Variants in GTSF1 observed in about 807,000 individuals in gnomAD.
The protein encoded by GTSF1 is gametocyte-specific factor 1.
Under a neutral mutation model 28.9 loss-of-function variants are expected in GTSF1, and 11 were observed. The ratio of observed to expected loss-of-function variants is 0.38; its 90% CI spans 0.24 to 0.63. The LOEUF is 0.63. GTSF1 is among the 30% of genes least tolerant of loss of function. The pLI is 0.56. For missense variants in GTSF1, 146 were observed against 201.0 expected, an observed-to-expected ratio of 0.73 and a Z score of 1.66; for synonymous variants, 69 against 65.6, an observed-to-expected ratio of 1.05 and a Z score of -0.25.
chr12:54,467,758 C>T (rs1178586315), intron 2 of GTSF1, among the ~76,000 whole-genome samples: 3 of 151,646 alleles, frequency 2.0e-5, no homozygotes, highest in Non-Finnish European at 4.4e-5. Context: ...TATTAATGGA[C>T]ATTTACATTG....
At chr12:54,459,065 G>C (rs373523607) in intron 8 of GTSF1, 24 bp downstream of exon 8, 1 of 1,549,978 alleles carries the variant, frequency 6.5e-7, no homozygotes, top group African/African-American at 1.4e-5. Context: ...TGAAGAGACA[G>C]TGAAATAAAA....
At chr12:54,465,212 T>C in intron 2 of GTSF1, 45 bp from the exon 3 acceptor site, 1 of 1,285,822 alleles carries the variant, frequency 7.8e-7, no homozygotes, top group East Asian at 2.3e-5. Context: ...TAATAGGCCC[T>C]TGTAAAACTA....
intron 2 of GTSF1, among the ~76,000 whole-genome samples, chr12:54,465,718 T>A (rs1380791166): frequency 6.6e-6 from 1 of 152,094 alleles, no homozygotes; most frequent in African/African-American, 2.4e-5. Flanking sequence ...AGCATCTTCA[T>A]CTATTACTAG....
intron 2 of GTSF1, chr12:54,466,998 G>A (rs981657434): frequency 5.9e-5 from 9 of 151,816 alleles, no homozygotes; most frequent in African/African-American, 2.2e-4. Context: ...AATTTACCAT[G>A]TTAATGAATT....
chr12:54,462,226 G>T, intron 5 of GTSF1, 54 bp from the exon 6 acceptor site: 2 of 1,231,870 alleles, frequency 1.6e-6, no homozygotes, highest in South Asian at 1.2e-5. Flanking sequence ...GACACCAGCA[G>T]TTCATGTTGG....
At chr12:54,471,132 G>T in intron 2 of GTSF1, 101 bp downstream of exon 2, 2 of 840,096 alleles carry the variant, frequency 2.4e-6, no homozygotes, top group Non-Finnish European at 3.5e-6. Flanking sequence ...CTTAGCAGTT[G>T]AGAAGTCCGA....
At chr12:54,463,096 G>C in intron 4 of GTSF1, 75 bp downstream of exon 4, 2 of 1,471,400 alleles carry the variant, frequency 1.4e-6, no homozygotes, top group South Asian at 2.5e-5. Flanking sequence ...CAAAAATCAA[G>C]CTGACAATCT....
At chr12:54,469,529 A>G (rs964174865) in intron 2 of GTSF1, among the ~76,000 whole-genome samples, 10 of 151,326 alleles carry the variant, frequency 6.6e-5, no homozygotes, top group Non-Finnish European at 1.5e-4. Context: ...CTCTACTAAA[A>G]ATATAAAAAT....
At chr12:54,460,218 G>A (rs929769230) in intron 7 of GTSF1, among the ~76,000 whole-genome samples, 159 bp downstream of exon 7, 5 of 152,164 alleles carry the variant, frequency 3.3e-5, no homozygotes, top group African/African-American at 9.7e-5. Flanking sequence ...TCAGTAGGGT[G>A]AACTGAGTAA....
Position 54,463,011 on chromosome 12 carries a change from A to C in GTSF1, c.244+160T>G, listed in dbSNP as rs114000408. Among the ~76,000 whole-genome samples, 1,493 of 152,350 alleles carry C rather than the reference A, an allele frequency of 9.8e-3. 27 individuals carry two copies. The highest frequency in any genetic ancestry group is 0.033 in the African/African-American group (1,374 of 41,572). On this transcript the variant is annotated intron_variant, in intron 4 of 8. Transcript: ENST00000305879. ...GGAGAGAAAACAGTATGACATGTAC[A>C]ATCTGACAACCTATTGCTGCCATGA...
intron 5 of GTSF1, among the ~76,000 whole-genome samples, 172 bp downstream of exon 5, chr12:54,462,470 G>A (rs1956438352): frequency 1.3e-5 from 2 of 152,206 alleles, no homozygotes; most frequent in Admixed American, 1.3e-4. Flanking sequence ...GGGATTGGCT[G>A]TTCCACGTGT....
At chr12:54,468,816 T>C (rs1284762457) in intron 2 of GTSF1, 1 of 152,154 alleles carries the variant, frequency 6.6e-6, no homozygotes, top group East Asian at 1.9e-4. Flanking sequence ...TTCTCAAACT[T>C]TAACTTACTC....
intron 2 of GTSF1, among the ~76,000 whole-genome samples, chr12:54,467,504 G>A (rs1592322703): frequency 2.0e-5 from 3 of 151,856 alleles, no homozygotes; most frequent in South Asian, 2.1e-4. Flanking sequence ...TAGTAGAGAC[G>A]GGGTTTCATC....
At chr12:54,459,255 A>G in intron 7 of GTSF1, 130 bp from the exon 8 acceptor site, 1 of 1,417,196 alleles carries the variant, frequency 7.1e-7, no homozygotes, top group African/African-American at 1.4e-5. Flanking sequence ...GAAGAATTTA[A>G]TATTAGTAAT....
chr12:54,461,232 T>A (rs1956417135), intron 6 of GTSF1, among the ~76,000 whole-genome samples: 1 of 152,090 alleles, frequency 6.6e-6, no homozygotes. Context: ...TAGCTGAGAC[T>A]ATAGGCATCC....
intron 2 of GTSF1, among the ~76,000 whole-genome samples, chr12:54,469,385 T>A (rs1036606369): frequency 1.3e-5 from 2 of 151,992 alleles, no homozygotes; most frequent in African/African-American, 4.8e-5. Flanking sequence ...CCTTCTTTTT[T>A]CTTTTTAAGA....
At chr12:54,471,461 C>T (rs539736125) in intron 1 of GTSF1, among the ~76,000 whole-genome samples, 184 bp from the exon 2 acceptor site, 85 of 152,264 alleles carry the variant, frequency 5.6e-4, no homozygotes, top group Non-Finnish European at 1.0e-3. Context: ...ATTTTAACAT[C>T]ATGGCCTAAT....
Position 54,471,215 on chromosome 12 carries a change from G to A in GTSF1, c.16+18C>T. The A allele has an allele frequency of 6.4e-7, 1 of 1,558,954 alleles. No individual in the cohort carries two copies. The highest frequency in any genetic ancestry group is 1.2e-5 in the South Asian group (1 of 81,576). On this transcript the variant is annotated intron_variant, in intron 2 of 8. Coordinates refer to ENST00000305879, the MANE Select transcript of GTSF1 (RefSeq NM_144594.3). The stretch of plus-strand genomic sequence containing the variant: ...AAATGATTTAACTTATTTTCTAAAA[G>A]CAACAAGGAGTACATACTGTAAGTT...
At chr12:54,469,596 G>A (rs1179994023) in intron 2 of GTSF1, among the ~76,000 whole-genome samples, 8 of 147,618 alleles carry the variant, frequency 5.4e-5, no homozygotes, top group South Asian at 2.2e-4. Context: ...GCTGAGGCAG[G>A]AGAATCGCTT....
Sources: allele counts gnomAD v4.1 joint callset (sites outside exome capture counted in the v4.1 genomes callset), GRCh38; gene constraint gnomAD v4.1.1; transcripts MANE v1.5; gene names NCBI Gene and HGNC (gene_info 2026-07-23, HGNC 2026-07-21).